The following CBLB variants were observed in gnomAD, a reference collection of about 807,000 sequenced individuals.
CBLB encodes the protein E3 ubiquitin-protein ligase CBL-B.
CBLB carries 31 observed loss-of-function variants against 104.9 expected under a neutral mutation model. The observed-to-expected ratio is 0.30, with a 90% confidence interval of 0.22 to 0.40. The LOEUF (loss-of-function observed/expected upper bound fraction) is 0.40, where lower values mean the gene tolerates loss of function less well. Ranked by LOEUF, CBLB falls within the 10% of genes least tolerant of loss-of-function variation. The pLI is 1.00. For synonymous variants in CBLB, 440 were observed against 422.6 expected (o/e 1.04, Z -0.51); for missense variants, 1,062 against 1,214.6 (o/e 0.87, Z 1.87).
Position 105,678,535 on chromosome 3 carries a change from G to A in CBLB, c.2465C>T (p.Pro822Leu). Residue 822 changes from proline (P) to leucine (L), a missense_variant, in exon 17 of 19, where the codon CCA becomes CTA. This residue lies in a region of CBLB where 605 missense variants were observed against 582.6 expected (regional missense o/e 1.04). Transcript: ENST00000394030. ...DAFDALPPSL[P>L]PPPPPARHSL... ...ATGCCTTGCAGGAGGTGGGGGAGGT[G>A]GGAGAGATGGAGGGAGGGCATCAAA... 1 of 1,613,814 alleles carries A rather than the reference G, an allele frequency of 6.2e-7. No individual in the cohort carries two copies.
chr3:105,708,882 G>T (rs112070276), intron 10 of CBLB, among the ~76,000 whole-genome samples: 1 of 151,848 alleles, frequency 6.6e-6, no homozygotes, highest in Non-Finnish European at 1.5e-5. Context: ...TTAGGAAAAT[G>T]GATTATTTTG....
At chr3:105,664,193 C>T (rs890964952) in intron 18 of CBLB, among the ~76,000 whole-genome samples, 12 of 151,998 alleles carry the variant, frequency 7.9e-5, no homozygotes, top group African/African-American at 2.9e-4. Flanking sequence ...TCATGTTCAA[C>T]AATAAATATA....
chr3:105,740,603 A>T lies in CBLB; in HGVS notation c.874T>A (p.Leu292Met). 6.2e-7 allele frequency: 1 copy of T among 1,614,030 alleles called. No homozygotes were observed. The highest frequency in any genetic ancestry group is 8.5e-7 in the Non-Finnish European group (1 of 1,179,898). The stretch of plus-strand genomic sequence containing the variant: ...ACATAGCCAATGGCCCACTGTCCCA[A>T]TCGAGTGCAACTTAACCGGAAAATA... ...SYIFRLSCTR[L>M]GQWAIGYVTG... The change falls in exon 7 of 19, where the codon TTG becomes ATG. Residue 292 changes from leucine (L) to methionine (M), a missense_variant. By Grantham distance (15) the Leu-to-Met change is conservative. Coordinates refer to ENST00000394030, the MANE Select transcript of CBLB (RefSeq NM_170662.5).
chr3:105,848,294 AATC>A (rs756957947), intron 3 of CBLB, among the ~76,000 whole-genome samples: 1 of 152,170 alleles, frequency 6.6e-6, no homozygotes, highest in South Asian at 2.1e-4. Context: ...CTCTACTAGA[AATC>A]ATTATCTACT....
intron 6 of CBLB, among the ~76,000 whole-genome samples, chr3:105,744,163 T>C (rs1302330843): frequency 6.6e-6 from 1 of 152,190 alleles, no homozygotes; most frequent in African/African-American, 2.4e-5. Context: ...ATGTTCTCCA[T>C]GATACTGAAC....
chr3:105,708,016 A>AT (rs1196152996), intron 10 of CBLB, among the ~76,000 whole-genome samples: 1 of 152,062 alleles, frequency 6.6e-6, no homozygotes, highest in African/African-American at 2.4e-5. Context: ...TGTACAGGTA[A>AT]TCACCAGGTA....
At chr3:105,759,330 T>C (rs185730986) in intron 4 of CBLB, among the ~76,000 whole-genome samples, 1 of 152,254 alleles carries the variant, frequency 6.6e-6, no homozygotes, top group East Asian at 1.9e-4. Flanking sequence ...AAGTTTTCAC[T>C]CCCACTGTGA....
chr3:105,798,610 G>A (rs1376354511), intron 3 of CBLB, among the ~76,000 whole-genome samples: 1 of 152,212 alleles, frequency 6.6e-6, no homozygotes, highest in Non-Finnish European at 1.5e-5. Flanking sequence ...TTGGTGGTAA[G>A]ACAGGATGAA....
chr3:105,671,404 A>G (rs1370387525), intron 17 of CBLB: 2 of 216,206 alleles, frequency 9.3e-6, no homozygotes, highest in Non-Finnish European at 1.9e-5. Context: ...TACCTCCTAA[A>G]TCAAACATAG....
At chr3:105,662,127 A>G (rs2063844069) in intron 18 of CBLB, among the ~76,000 whole-genome samples, 1 of 152,208 alleles carries the variant, frequency 6.6e-6, no homozygotes, top group Non-Finnish European at 1.5e-5. Context: ...TCATTTCCAC[A>G]CTGACCATTA....
intron 12 of CBLB, among the ~76,000 whole-genome samples, chr3:105,699,750 T>G (rs552780943): frequency 1.3e-5 from 2 of 152,336 alleles, no homozygotes; most frequent in African/African-American, 4.8e-5. Flanking sequence ...AGACATGGTC[T>G]GTTTTATAGT....
At chr3:105,805,933 A>G (rs1413361564) in intron 3 of CBLB, among the ~76,000 whole-genome samples, 2 of 7,448 alleles carry the variant, frequency 2.7e-4, no homozygotes, top group Admixed American at 2.6e-3. Flanking sequence ...GAAAAGGGAA[A>G]GAAAAAAAAA....
At chr3:105,767,329 G>A (rs751566072) in intron 4 of CBLB, among the ~76,000 whole-genome samples, 13 of 151,856 alleles carry the variant, frequency 8.6e-5, no homozygotes, top group Admixed American at 6.6e-5. Flanking sequence ...TATCTCACTC[G>A]CTGGAAAGGT....
chr3:105,771,634 C>A (rs1340403830), intron 4 of CBLB, among the ~76,000 whole-genome samples: 1 of 151,974 alleles, frequency 6.6e-6, no homozygotes. Flanking sequence ...CCTAGAAAAG[C>A]CTCAAGATTC....
intron 4 of CBLB, among the ~76,000 whole-genome samples, chr3:105,776,189 T>C (rs1296893230): frequency 6.6e-6 from 1 of 152,222 alleles, no homozygotes; most frequent in African/African-American, 2.4e-5. Flanking sequence ...CATTGTATAA[T>C]ATTTACTTAG....
chr3:105,767,088 T>C (rs890794522), intron 4 of CBLB, among the ~76,000 whole-genome samples: 3 of 152,202 alleles, frequency 2.0e-5, no homozygotes, highest in Non-Finnish European at 2.9e-5. Context: ...ACCTGAAATT[T>C]TTTTTAACAG....
chr3:105,702,501 T>TAAAAAAAAAAAAAAAAAAAA (rs1553727160), intron 11 of CBLB, 42 bp from the exon 12 acceptor site: 4 of 903,564 alleles, frequency 4.4e-6, no homozygotes, highest in Admixed American at 3.9e-5. Flanking sequence ...AAAAAAAAAC[T>TAAAAAAAAAAAAAAAAAAAA]AAAGGTTGTA....
In CBLB at chr3:105,702,414, G is replaced by A. The variant is rs1452921687; in HGVS notation, c.1639C>T (p.Pro547Ser). The A allele has an allele frequency of 1.3e-6, 2 of 1,593,994 alleles. No individual in the cohort carries two copies. The highest frequency in any genetic ancestry group is 1.7e-6 in the Non-Finnish European group (2 of 1,167,816). ...GGAGGATCTCTTAAGGGAGGAGGTGGTGCTGGGAGTGGTTTATCTTGTTTT... is the reference window on the plus strand; with the variant it reads ...GGAGGATCTCTTAAGGGAGGAGGTGATGCTGGGAGTGGTTTATCTTGTTTT... Reference protein sequence around the residue: ...VRKQDKPLPAPPPPLRDPPPP... With the variant: ...VRKQDKPLPASPPPLRDPPPP... Residue 547 changes from proline (P) to serine (S), a missense_variant, in exon 12 of 19, where the codon CCA (proline) becomes TCA (serine). By Grantham distance (74) the Pro-to-Ser change is moderately conservative. Around this residue, in one of 2 missense-constraint regions of CBLB, gnomAD observed 605 missense variants for 582.6 expected, o/e 1.04. Coordinates refer to ENST00000394030, the MANE Select transcript of CBLB (RefSeq NM_170662.5).
At chr3:105,713,307 G>C (rs1576541912) in intron 10 of CBLB, among the ~76,000 whole-genome samples, 1 of 151,450 alleles carries the variant, frequency 6.6e-6, no homozygotes, top group Non-Finnish European at 1.5e-5. Context: ...AGGAAAACTA[G>C]AAGATGAGCC....
Sources: gnomAD v4.1 joint callset for allele counts (sites outside exome capture counted in the v4.1 genomes callset) on GRCh38, gnomAD v4.1.1 for gene constraint, gnomAD v4.1.1 regional missense constraint, MANE v1.5 for transcripts, NCBI Gene and HGNC (gene_info 2026-07-23, HGNC 2026-07-21) for gene names.